Variants in GRM8 observed in about 807,000 individuals in gnomAD.
The protein encoded by GRM8 is metabotropic glutamate receptor 8.
In GRM8, 47 loss-of-function variants were observed where a neutral mutation model predicts 87.2. That is an observed-to-expected ratio of 0.54 (90% CI 0.43 to 0.69). The LOEUF is 0.69. Among genes scored for constraint, GRM8 ranks in the 30% least tolerant of loss-of-function variants. The probability of loss-of-function intolerance (pLI) is 0.00; values close to 1 mark genes in which losing one functional copy is unlikely to be tolerated. For synonymous variants in GRM8, 396 were observed against 404.5 expected (o/e 0.98, Z 0.25); for missense variants, 1,019 against 1,139.2 (o/e 0.89, Z 1.52).
chr7:126,567,760 C>A (rs1794357593), intron 8 of GRM8, among the ~76,000 whole-genome samples: 2 of 152,050 alleles, frequency 1.3e-5, no homozygotes. Context: ...TTGCTCCCAC[C>A]CAGCTATAAA....
At chr7:126,831,709 G>C (rs1174989995) in intron 6 of GRM8, among the ~76,000 whole-genome samples, 1 of 152,200 alleles carries the variant, frequency 6.6e-6, no homozygotes, top group Admixed American at 6.5e-5. Context: ...TGCACCCACT[G>C]TCTGGCACTC....
chr7:126,795,461 A>C (rs1266520499), intron 6 of GRM8, among the ~76,000 whole-genome samples: 1 of 152,172 alleles, frequency 6.6e-6, no homozygotes, highest in Non-Finnish European at 1.5e-5. Context: ...AATACTTAGA[A>C]AATACTAAAT....
intron 2 of GRM8, among the ~76,000 whole-genome samples, chr7:127,129,133 C>T (rs978438101): frequency 5.9e-5 from 9 of 152,044 alleles, no homozygotes; most frequent in Admixed American, 4.6e-4. Context: ...TTTCATGCAT[C>T]GTGAATTTCA....
At chr7:127,005,640 G>A (rs1252451753) in intron 3 of GRM8, among the ~76,000 whole-genome samples, 1 of 151,604 alleles carries the variant, frequency 6.6e-6, no homozygotes, top group Non-Finnish European at 1.5e-5. Context: ...TGCATTTAAG[G>A]TTTAGCAACT....
intron 3 of GRM8, among the ~76,000 whole-genome samples, chr7:127,002,215 G>T (rs1197943461): frequency 1.3e-5 from 2 of 151,612 alleles, no homozygotes; most frequent in Admixed American, 1.3e-4. Flanking sequence ...GATTTTAAGA[G>T]TAGAAATAAG....
intron 8 of GRM8, among the ~76,000 whole-genome samples, chr7:126,606,774 AT>A (rs1235718652): frequency 1.3e-5 from 2 of 152,236 alleles, no homozygotes; most frequent in Non-Finnish European, 2.9e-5. Flanking sequence ...GTTTTGATAC[AT>A]TTTATGAACG....
chr7:126,629,159 A>C (rs536701764), intron 7 of GRM8, among the ~76,000 whole-genome samples: 9 of 152,306 alleles, frequency 5.9e-5, no homozygotes, highest in African/African-American at 2.2e-4. Context: ...GAGGTCAATG[A>C]ACCCAGACAA....
chr7:126,727,386 T>C (rs1813113152), intron 7 of GRM8, among the ~76,000 whole-genome samples: 1 of 152,030 alleles, frequency 6.6e-6, no homozygotes, highest in African/African-American at 2.4e-5. Context: ...TAATGTAAGA[T>C]TTTTAAATAT....
At chr7:126,850,475 G>A (rs1202177646) in intron 6 of GRM8, among the ~76,000 whole-genome samples, 2 of 152,162 alleles carry the variant, frequency 1.3e-5, no homozygotes, top group African/African-American at 4.8e-5. Context: ...CTACAACAGG[G>A]AGAACACATA....
chr7:126,758,198 ATTGT>A (rs1817221599), intron 7 of GRM8, among the ~76,000 whole-genome samples: 1 of 152,094 alleles, frequency 6.6e-6, no homozygotes, highest in Non-Finnish European at 1.5e-5. Flanking sequence ...CTGAGGGTTT[ATTGT>A]CAGGAGCAGA....
chr7:126,490,227 G>C (rs904105588), intron 9 of GRM8, among the ~76,000 whole-genome samples: 6 of 152,064 alleles, frequency 3.9e-5, no homozygotes, highest in African/African-American at 1.4e-4. Flanking sequence ...TTTGGGTCTT[G>C]TTTATTTCAT....
chr7:126,784,369 C>T (rs1415647830), intron 6 of GRM8, among the ~76,000 whole-genome samples: 1 of 152,086 alleles, frequency 6.6e-6, no homozygotes, highest in Admixed American at 6.6e-5. Flanking sequence ...CTTTGAATAT[C>T]AAAACATATT....
chr7:127,046,860 T>C (rs1043506814), intron 3 of GRM8, among the ~76,000 whole-genome samples: 1 of 152,206 alleles, frequency 6.6e-6, no homozygotes, highest in African/African-American at 2.4e-5. Flanking sequence ...CCTGTCTTAC[T>C]CTCTTTAAAA....
intron 8 of GRM8, among the ~76,000 whole-genome samples, chr7:126,535,636 A>T (rs1433419712): frequency 6.6e-6 from 1 of 152,220 alleles, no homozygotes; most frequent in Non-Finnish European, 1.5e-5. Context: ...ACTAGGTTGC[A>T]GGTCGCTGCC....
intron 6 of GRM8, among the ~76,000 whole-genome samples, chr7:126,813,138 G>T (rs1399346716): frequency 6.6e-6 from 1 of 151,864 alleles, no homozygotes. Context: ...TATAACCTAC[G>T]CATGTACCCC....
chr7:127,150,830 T>C (rs1828820058), intron 2 of GRM8, among the ~76,000 whole-genome samples: 1 of 152,052 alleles, frequency 6.6e-6, no homozygotes, highest in South Asian at 2.1e-4. Flanking sequence ...GTTGGCTTCA[T>C]AAAGCCCAGA....
At chr7:126,598,912 G>A (rs1797465234) in intron 8 of GRM8, among the ~76,000 whole-genome samples, 1 of 152,088 alleles carries the variant, frequency 6.6e-6, no homozygotes, top group South Asian at 2.1e-4. Context: ...ATGGTCCTCT[G>A]TTCTGGGAGC....
intron 6 of GRM8, among the ~76,000 whole-genome samples, chr7:126,863,284 C>T (rs753423257): frequency 3.9e-5 from 6 of 152,028 alleles, no homozygotes; most frequent in Admixed American, 6.6e-5. Context: ...ATAGTTGGTG[C>T]CACATTTTAT....
At chr7:126,652,951 G>A (rs1363085724) in intron 7 of GRM8, among the ~76,000 whole-genome samples, 1 of 152,016 alleles carries the variant, frequency 6.6e-6, no homozygotes, top group Non-Finnish European at 1.5e-5. Context: ...AGTGACATAT[G>A]TAACTCAGTG....
Sources: gnomAD v4.1 joint callset for allele counts (sites outside exome capture counted in the v4.1 genomes callset) on GRCh38, gnomAD v4.1.1 for gene constraint, MANE v1.5 for transcripts, NCBI Gene and HGNC (gene_info 2026-07-23, HGNC 2026-07-21) for gene names.